DSCAML1: variants seen among roughly 807,000 people sequenced by gnomAD.
DSCAML1 encodes the protein DS cell adhesion molecule like 1, also known as cell adhesion molecule DSCAML1.
A neutral mutation model predicts 200.5 loss-of-function variants in DSCAML1; 38 were observed. That is an observed-to-expected ratio of 0.19 (90% CI 0.15 to 0.25). DSCAML1 has a LOEUF of 0.25. Among genes scored for constraint, DSCAML1 ranks in the 10% least tolerant of loss-of-function variants. The pLI, the probability that DSCAML1 is intolerant of heterozygous loss-of-function variation, is 1.00. For synonymous variants in DSCAML1, 1,215 were observed against 1,165.0 expected (o/e 1.04, Z -0.87); for missense variants, 2,223 against 2,858.8 (o/e 0.78, Z 5.07).
rs766133963 is a variant in DSCAML1, at chr11:117,516,759, G to A, written c.1511-20C>T. 1.7e-5 allele frequency: 27 copies of A among 1,582,170 alleles called. No homozygotes were observed. Among genetic ancestry groups the A allele is most frequent in the Non-Finnish European group, 2.3e-5 (27 of 1,162,062 alleles). On this transcript the variant is annotated intron_variant, in intron 7 of 32. Coordinates refer to ENST00000651296, the MANE Select transcript of DSCAML1 (RefSeq NM_020693.4). This position sits in a 1 kb window ranked among gnomAD's most constrained non-coding sequence, Gnocchi z 5.7. ...GTGGGCCTGGGCAGGAGTCAGAAGA[G>A]AGGAGGAGGAGGAGAAGGGCATGTG...
intron 3 of DSCAML1, among the ~76,000 whole-genome samples, chr11:117,550,041 C>T (rs541213193): frequency 1.3e-5 from 2 of 152,304 alleles, no homozygotes; most frequent in East Asian, 3.9e-4. Flanking sequence ...TGTCTCCTGA[C>T]AGCCCTTAGT....
intron 3 of DSCAML1, among the ~76,000 whole-genome samples, chr11:117,620,722 A>C (rs2051911089): frequency 6.6e-6 from 1 of 152,234 alleles, no homozygotes; most frequent in African/African-American, 2.4e-5. Context: ...CAAACACAGG[A>C]TGAAGAGTCT....
chr11:117,706,732 C>T (rs532293747), intron 3 of DSCAML1, among the ~76,000 whole-genome samples: 8 of 152,322 alleles, frequency 5.3e-5, no homozygotes, highest in South Asian at 2.1e-4. Context: ...TTTAGATCAT[C>T]GCTCCTGAAC....
intron 32 of DSCAML1, 46 bp from the exon 33 acceptor site, chr11:117,428,849 T>C (rs1260237392): frequency 6.6e-7 from 1 of 1,516,482 alleles, no homozygotes; most frequent in East Asian, 2.4e-5. Context: ...CATAGCCCTC[T>C]GGAAGCAGCT....
At position 117,503,385 on chromosome 11, in the gene DSCAML1, G is replaced by C. The variant is rs552754425; in HGVS notation, c.2359+460C>G. Among the ~76,000 whole-genome samples the C allele has an allele frequency of 1.3e-5, 2 of 152,304 alleles. No homozygotes were observed. The highest frequency in any genetic ancestry group is 1.3e-4 in the Admixed American group (2 of 15,308). ...TCGCCCAAGGTCACTCAGCTCATCA[G>C]GCTGATCTGGAATTGGAACCCAGGT... On this transcript the variant is annotated intron_variant, in intron 11 of 32. Coordinates refer to ENST00000651296, the MANE Select transcript of DSCAML1 (RefSeq NM_020693.4). This position sits in a 1 kb window ranked among gnomAD's most constrained non-coding sequence, Gnocchi z 5.2.
At chr11:117,706,702 T>C (rs1370009419) in intron 3 of DSCAML1, among the ~76,000 whole-genome samples, 1 of 152,252 alleles carries the variant, frequency 6.6e-6, no homozygotes, top group Non-Finnish European at 1.5e-5. Flanking sequence ...TCTTCTGCCA[T>C]TGATATCTTG....
At chr11:117,457,424 G>A (rs1359410024) in intron 19 of DSCAML1, among the ~76,000 whole-genome samples, 1 of 152,222 alleles carries the variant, frequency 6.6e-6, no homozygotes, top group Non-Finnish European at 1.5e-5. Context: ...GGGGGCCCCA[G>A]GGGCTCATTT....
intron 3 of DSCAML1, among the ~76,000 whole-genome samples, chr11:117,756,539 C>T (rs561141806): frequency 1.3e-5 from 2 of 152,266 alleles, no homozygotes; most frequent in South Asian, 4.2e-4. Context: ...ATTTCCAGGG[C>T]TTAACTAAGA....
chr11:117,615,195 G>A (rs2051787030), intron 3 of DSCAML1, among the ~76,000 whole-genome samples: 1 of 152,156 alleles, frequency 6.6e-6, no homozygotes, highest in Non-Finnish European at 1.5e-5. Context: ...TACCCTACTC[G>A]CTGGCTGCTG....
chr11:117,811,433 C>A (rs537481713), intron 1 of DSCAML1, among the ~76,000 whole-genome samples: 1 of 152,298 alleles, frequency 6.6e-6, no homozygotes, highest in Non-Finnish European at 1.5e-5. Flanking sequence ...AAAAAAGTTG[C>A]AATTCCTTAC....
chr11:117,584,542 C>T lies in DSCAML1; in HGVS notation c.512-52020G>A, dbSNP rs563543154. Reference sequence around the variant, plus strand: ...ACTTGCTCGGCACAAAACTAGATCACTACTGTCTTGACCTTTGAGTCCTCA... The same window carrying T: ...ACTTGCTCGGCACAAAACTAGATCATTACTGTCTTGACCTTTGAGTCCTCA... On this transcript the variant is annotated intron_variant, in intron 3 of 32. Transcript: ENST00000651296. Among the ~76,000 whole-genome samples the T allele has an allele frequency of 2.0e-5, 3 of 152,334 alleles. No individual in the cohort carries two copies. The East Asian group carries it at 5.8e-4, about 29-fold the overall frequency.
chr11:117,808,468 A>G (rs1216547427), intron 1 of DSCAML1, among the ~76,000 whole-genome samples: 2 of 152,162 alleles, frequency 1.3e-5, no homozygotes, highest in Non-Finnish European at 2.9e-5. Flanking sequence ...TCTGGGTCTC[A>G]GTGGCTCCGA....
At chr11:117,695,204 C>T (rs908083426) in intron 3 of DSCAML1, among the ~76,000 whole-genome samples, 1 of 151,888 alleles carries the variant, frequency 6.6e-6, no homozygotes, top group African/African-American at 2.4e-5. Context: ...ACTTGGTTAT[C>T]TATGAGAATT....
intron 3 of DSCAML1, among the ~76,000 whole-genome samples, chr11:117,654,770 C>T (rs1273285180): frequency 1.3e-5 from 2 of 152,176 alleles, no homozygotes; most frequent in Non-Finnish European, 1.5e-5. Flanking sequence ...GGCACATGCA[C>T]ACCCACCCCT....
At chr11:117,702,716 AT>A (rs2053692050) in intron 3 of DSCAML1, among the ~76,000 whole-genome samples, 2 of 152,194 alleles carry the variant, frequency 1.3e-5, no homozygotes, top group African/African-American at 4.8e-5. Flanking sequence ...GGTTTTGTGA[AT>A]CAAACAGTAT....
At chr11:117,575,147 T>C (rs950341887) in intron 3 of DSCAML1, among the ~76,000 whole-genome samples, 18 of 152,156 alleles carry the variant, frequency 1.2e-4, no homozygotes, top group African/African-American at 4.3e-4. Context: ...GCTAAGATAG[T>C]GCCATTACAT....
chr11:117,590,869 T>C (rs1179038707), intron 3 of DSCAML1, among the ~76,000 whole-genome samples: 1 of 152,178 alleles, frequency 6.6e-6, no homozygotes, highest in Non-Finnish European at 1.5e-5. Flanking sequence ...CATGCAGTTA[T>C]ATCGGAAAAT....
At chr11:117,671,500 C>G (rs2053106137) in intron 3 of DSCAML1, among the ~76,000 whole-genome samples, 1 of 152,222 alleles carries the variant, frequency 6.6e-6, no homozygotes, top group African/African-American at 2.4e-5. Flanking sequence ...CCCAATGCCT[C>G]TTAACAGAGG....
rs1565829202 is a variant in DSCAML1, at chr11:117,617,684, A to ACG, written c.512-85163_512-85162insCG. Reference sequence around the variant, plus strand: ...CAAGACAACACACAGGTACACGCACACACACACACACACACACACACACAC... The same window carrying ACG: ...CAAGACAACACACAGGTACACGCACACGCACACACACACACACACACACACAC... On this transcript the variant is annotated intron_variant, in intron 3 of 32. Coordinates refer to ENST00000651296, the MANE Select transcript of DSCAML1 (RefSeq NM_020693.4). Among the ~76,000 whole-genome samples the ACG allele has an allele frequency of 1.2e-3, 37 of 31,134 alleles. 1 individual carries two copies. In the South Asian group the frequency reaches 0.017, roughly 14 times the overall value. 20.4% of individuals were successfully genotyped at this position (31,134 alleles called of 152,430 possible).
Sources: gnomAD v4.1 joint callset for allele counts (sites outside exome capture counted in the v4.1 genomes callset) on GRCh38, gnomAD v4.1.1 for gene constraint, Gnocchi (gnomAD v3.1) non-coding constraint, MANE v1.5 for transcripts, NCBI Gene and HGNC (gene_info 2026-07-23, HGNC 2026-07-21) for gene names.